Variants in BMPR2 observed in about 807,000 individuals in gnomAD.
The protein encoded by BMPR2 is bone morphogenetic protein receptor type-2.
BMPR2 carries 29 observed loss-of-function variants against 100.8 expected under a neutral mutation model. That is an observed-to-expected ratio of 0.29 (90% confidence interval 0.21 to 0.39). BMPR2 has a LOEUF of 0.39. BMPR2 is among the 10% of genes least tolerant of loss of function. BMPR2 has a pLI of 1.00. For missense variants in BMPR2, 1,011 were observed against 1,274.5 expected (o/e 0.79, Z 3.15); for synonymous variants, 382 against 442.3 (o/e 0.86, Z 1.71).
chr2:202,507,699 CTT>C (rs34200763), intron 3 of BMPR2, among the ~76,000 whole-genome samples: 16 of 142,162 alleles, frequency 1.1e-4, no homozygotes, highest in Non-Finnish European at 9.1e-5. Flanking sequence ...CTTTTTTCAT[CTT>C]TTTTTTTTTT....
intron 1 of BMPR2, among the ~76,000 whole-genome samples, chr2:202,424,433 C>T (rs1304184526): frequency 1.3e-5 from 2 of 149,656 alleles, no homozygotes; most frequent in Non-Finnish European, 3.0e-5. Flanking sequence ...CGTGGTGGCT[C>T]ACGCTTGTAA....
At chr2:202,435,117 T>C (rs1423765866) in intron 1 of BMPR2, among the ~76,000 whole-genome samples, 3 of 144,710 alleles carry the variant, frequency 2.1e-5, no homozygotes, top group Non-Finnish European at 4.5e-5. Context: ...CACAGCACTT[T>C]GGGAGGCCAA....
chr2:202,489,336 T>C (rs1191109468), intron 3 of BMPR2, among the ~76,000 whole-genome samples: 1 of 152,198 alleles, frequency 6.6e-6, no homozygotes, highest in East Asian at 1.9e-4. Context: ...TGTGTACTGT[T>C]TTTCAGATTT....
chr2:202,396,521 A>G (rs1377878473), intron 1 of BMPR2, among the ~76,000 whole-genome samples: 1 of 152,192 alleles, frequency 6.6e-6, no homozygotes, highest in Non-Finnish European at 1.5e-5. Flanking sequence ...TTTATTCTTG[A>G]TAGCTGGGGT....
intron 3 of BMPR2, among the ~76,000 whole-genome samples, chr2:202,491,577 C>T (rs1006873804): frequency 6.6e-6 from 1 of 152,078 alleles, no homozygotes; most frequent in Admixed American, 6.6e-5. Flanking sequence ...GCACCCACCA[C>T]TACACCCAGC....
chr2:202,445,145 A>G (rs1384976315), intron 1 of BMPR2, among the ~76,000 whole-genome samples: 1 of 150,600 alleles, frequency 6.6e-6, no homozygotes, highest in Admixed American at 6.6e-5. Flanking sequence ...GCATCACCAT[A>G]TACTTGAAAA....
intron 1 of BMPR2, among the ~76,000 whole-genome samples, chr2:202,450,113 AAAC>A (rs920415831): frequency 2.6e-5 from 4 of 152,052 alleles, no homozygotes; most frequent in South Asian, 2.1e-4. Context: ...CCGTCTCAAA[AAAC>A]AACAACAAGA....
chr2:202,541,487 T>C (rs1338558871), intron 9 of BMPR2, among the ~76,000 whole-genome samples: 1 of 152,198 alleles, frequency 6.6e-6, no homozygotes, highest in Non-Finnish European at 1.5e-5. Flanking sequence ...TTATCATAAA[T>C]ATTTTTGTAA....
At chr2:202,451,450 G>A (rs1441948550) in intron 1 of BMPR2, among the ~76,000 whole-genome samples, 2 of 152,160 alleles carry the variant, frequency 1.3e-5, no homozygotes, top group Non-Finnish European at 2.9e-5. Context: ...TGTAATCCCA[G>A]CACTTTGGGA....
At chr2:202,545,820 T>TG (rs1688365930) in intron 10 of BMPR2, among the ~76,000 whole-genome samples, 1 of 152,202 alleles carries the variant, frequency 6.6e-6, no homozygotes, top group Non-Finnish European at 1.5e-5. Context: ...GTCCCTGCTA[T>TG]GGGAACTGGG....
rs143735008 is a variant in BMPR2 at position 202,522,276 on chromosome 2, G to A, written c.967+2075G>A. Among the ~76,000 whole-genome samples the A allele has an allele frequency of 6.3e-3, 957 of 152,270 alleles. 13 individuals are homozygous for A. Among genetic ancestry groups the A allele is most frequent in the African/African-American group, 0.021 (893 of 41,552 alleles). Reference sequence around the variant, plus strand: ...TAATCCCAGCACTTTGGGAGGCCGAGGTGGGCGGATCACAAGGTCAGGAGT... The same window carrying A: ...TAATCCCAGCACTTTGGGAGGCCGAAGTGGGCGGATCACAAGGTCAGGAGT... On this transcript the variant is annotated intron_variant, in intron 7 of 12. Transcript: ENST00000374580.
intron 9 of BMPR2, among the ~76,000 whole-genome samples, chr2:202,537,079 C>A (rs574995540): frequency 1.3e-5 from 2 of 151,722 alleles, no homozygotes; most frequent in African/African-American, 4.8e-5. Context: ...TATTTTTTGT[C>A]GAGACAGTGT....
At chr2:202,463,693 TAA>T (rs1692265510) in intron 1 of BMPR2, among the ~76,000 whole-genome samples, 1 of 152,238 alleles carries the variant, frequency 6.6e-6, no homozygotes, top group African/African-American at 2.4e-5. Flanking sequence ...GCAATGTTGG[TAA>T]ATATTTATTA....
chr2:202,462,708 G>A (rs886578014), intron 1 of BMPR2, among the ~76,000 whole-genome samples: 1 of 143,952 alleles, frequency 6.9e-6, no homozygotes, highest in African/African-American at 2.6e-5. Flanking sequence ...TTTTGTTGTT[G>A]TTGTTGTTGT....
chr2:202,529,094 C>CA (rs1012007226), intron 7 of BMPR2, among the ~76,000 whole-genome samples: 9 of 151,888 alleles, frequency 5.9e-5, no homozygotes, highest in African/African-American at 9.7e-5. Context: ...AATATCTGAC[C>CA]AAAAAAATAG....
rs529686494 is a variant in BMPR2 at position 202,534,790 on chromosome 2, G to A, written c.1276+2058G>A. Among the ~76,000 whole-genome samples the A allele has an allele frequency of 5.9e-5, 9 of 152,148 alleles. No homozygotes were observed. In the East Asian group the frequency reaches 9.7e-4, roughly 16 times the overall value. On this transcript the variant is annotated intron_variant, in intron 9 of 12. Transcript: ENST00000374580. Reference sequence around the variant, plus strand: ...GAGCTGTTGGGCACACCTCCCAGACGGGGTGGTGGCCGGGCAGAGAGGCTC... The same window carrying A: ...GAGCTGTTGGGCACACCTCCCAGACAGGGTGGTGGCCGGGCAGAGAGGCTC...
chr2:202,391,602 CT>C (rs768593831), intron 1 of BMPR2, among the ~76,000 whole-genome samples: 1 of 147,284 alleles, frequency 6.8e-6, no homozygotes, highest in Non-Finnish European at 1.5e-5. Context: ...AGTGTACACT[CT>C]TTTTTTTTGG....
chr2:202,431,177 C>A (rs1691495877), intron 1 of BMPR2, among the ~76,000 whole-genome samples: 1 of 150,442 alleles, frequency 6.6e-6, no homozygotes, highest in Non-Finnish European at 1.5e-5. Context: ...CATCATGTCT[C>A]CTTTGCTGGA....
intron 3 of BMPR2, among the ~76,000 whole-genome samples, chr2:202,498,360 C>T (rs892889106): frequency 2.0e-5 from 3 of 152,240 alleles, no homozygotes; most frequent in African/African-American, 7.2e-5. Context: ...GTTTCTGCTG[C>T]TGCGTCAGTG....
Sources: allele counts gnomAD v4.1 joint callset (sites outside exome capture counted in the v4.1 genomes callset), GRCh38; gene constraint gnomAD v4.1.1; transcripts MANE v1.5; gene names NCBI Gene and HGNC (gene_info 2026-07-23, HGNC 2026-07-21).